The following FHOD3 variants were observed in gnomAD, a reference collection of about 807,000 sequenced individuals.
The protein encoded by FHOD3 is formin homology 2 domain containing 3.
Under a neutral mutation model 173.0 loss-of-function variants are expected in FHOD3, and 90 were observed. The ratio of observed to expected loss-of-function variants is 0.52; its 90% CI spans 0.44 to 0.62. The LOEUF (loss-of-function observed/expected upper bound fraction) is 0.62. Ranked by LOEUF, FHOD3 falls within the 20% of genes least tolerant of loss-of-function variation. FHOD3 has a pLI of 0.00. For missense variants in FHOD3, 1,945 were observed against 2,034.7 expected, an observed-to-expected ratio of 0.96 and a Z score of 0.85; for synonymous variants, 828 against 823.0, an observed-to-expected ratio of 1.01 and a Z score of -0.10.
intron 15 of FHOD3, among the ~76,000 whole-genome samples, chr18:36,683,175 A>G (rs1008334755): frequency 1.3e-5 from 2 of 152,208 alleles, no homozygotes; most frequent in Non-Finnish European, 2.9e-5. Context: ...TAGTTCTGGA[A>G]GTTGTCACTT....
rs893012665 is a variant in FHOD3, at chr18:36,434,709, A to C, written c.337+61965A>C. On this transcript the variant is annotated intron_variant, in intron 3 of 28. Coordinates refer to ENST00000590592, the MANE Select transcript of FHOD3 (RefSeq NM_001281740.3). ...TTTATTCAGGTGTGTATCTTCATTTATTTGAGCTTTCTCAGTTTCTTCCTG... is the reference window on the plus strand; with the variant it reads ...TTTATTCAGGTGTGTATCTTCATTTCTTTGAGCTTTCTCAGTTTCTTCCTG... Among the ~76,000 whole-genome samples the C allele has an allele frequency of 3.9e-5, 6 of 152,152 alleles. 1 individual carries two copies. Among genetic ancestry groups the C allele is most frequent in the Admixed American group, 3.9e-4 (6 of 15,280 alleles).
intron 28 of FHOD3, among the ~76,000 whole-genome samples, chr18:36,776,758 C>T (rs374576245): frequency 2.6e-5 from 4 of 152,090 alleles, no homozygotes; most frequent in African/African-American, 9.7e-5. Context: ...AAGCAGCATC[C>T]CAAGGGGTCT....
At chr18:36,368,424 G>T (rs2047008395) in intron 2 of FHOD3, among the ~76,000 whole-genome samples, 4 of 152,218 alleles carry the variant, frequency 2.6e-5, no homozygotes, top group Admixed American at 2.6e-4. Flanking sequence ...TAGAATGAGG[G>T]AATGAATGAG....
At chr18:36,501,397 C>G (rs559354846) in intron 3 of FHOD3, among the ~76,000 whole-genome samples, 1 of 152,094 alleles carries the variant, frequency 6.6e-6, no homozygotes, top group African/African-American at 2.4e-5. Context: ...GCCTGAGGAG[C>G]GCTCAAGGCA....
intron 3 of FHOD3, among the ~76,000 whole-genome samples, chr18:36,494,142 G>A (rs1168869375): frequency 1.3e-5 from 2 of 152,028 alleles, no homozygotes. Context: ...ACACACTGAA[G>A]TTTTCTTCAT....
chr18:36,446,299 G>A (rs1052527588), intron 3 of FHOD3, among the ~76,000 whole-genome samples: 12 of 152,138 alleles, frequency 7.9e-5, no homozygotes, highest in African/African-American at 2.7e-4. Flanking sequence ...ATCATTAGTC[G>A]CGGTGAAATC....
At chr18:36,742,480 G>A (rs1393581915) in intron 21 of FHOD3, among the ~76,000 whole-genome samples, 1 of 152,092 alleles carries the variant, frequency 6.6e-6, no homozygotes, top group Admixed American at 6.5e-5. Context: ...TAAGAGGAGG[G>A]CATTCCCTAA....
chr18:36,602,689 C>G lies in FHOD3; in HGVS notation c.734C>G (p.Ser245Ter). 6.2e-7 allele frequency: 1 copy of G among 1,613,984 alleles called. No individual in the cohort carries two copies. The highest frequency in any genetic ancestry group is 8.5e-7 in the Non-Finnish European group (1 of 1,179,896). Residue 245 changes from serine to a stop codon, truncating the protein, a stop_gained, in exon 8 of 29, where the codon TCA becomes TGA. Transcript: ENST00000590592. LOFTEE classifies it high-confidence loss of function. ...TTACTCATAGGGGTCAAACCTTGGT[C>G]AAATATCATGGAAATCCTGGAGGAA... Reference protein sequence around the residue: ...VDTKRGVKPWSNIMEILEEKD... With the variant: ...VDTKRGVKPW
At chr18:36,679,482 C>T (rs2038092095) in intron 14 of FHOD3, among the ~76,000 whole-genome samples, 2 of 151,966 alleles carry the variant, frequency 1.3e-5, no homozygotes, top group Admixed American at 6.6e-5. Context: ...GAGCTGATCA[C>T]TCATTAATTT....
chr18:36,629,067 A>G (rs944991387), intron 10 of FHOD3, among the ~76,000 whole-genome samples: 3 of 152,232 alleles, frequency 2.0e-5, no homozygotes, highest in Non-Finnish European at 4.4e-5. Context: ...AGTCATGTGT[A>G]TATTTTAATA....
At position 36,691,514 on chromosome 18, in the gene FHOD3, A is replaced by G. The variant is rs976231001; in HGVS notation, c.2022-1695A>G. 2.0e-5 allele frequency among the ~76,000 whole-genome samples: 3 copies of G among 152,230 alleles called. No homozygotes were observed. In the East Asian group the frequency reaches 5.8e-4, roughly 29 times the overall value. ...CTTACCCTTAAAATTGTTTTCTTTC[A>G]AGGTTCTTGTTACTTCCACAGCCAA... On this transcript the variant is annotated intron_variant, in intron 16 of 28. Transcript: ENST00000590592.
At chr18:36,488,216 A>G (rs761849669) in intron 3 of FHOD3, among the ~76,000 whole-genome samples, 2 of 152,244 alleles carry the variant, frequency 1.3e-5, no homozygotes, top group African/African-American at 2.4e-5. Flanking sequence ...ATCTCTGCAC[A>G]GTGACATGAT....
intron 28 of FHOD3, chr18:36,779,104 T>C (rs2043907998): frequency 6.3e-6 from 2 of 316,094 alleles, no homozygotes; most frequent in Non-Finnish European, 1.2e-5. Flanking sequence ...AGGTCTCTCC[T>C]GCCCTCTGCA....
chr18:36,434,436 G>A (rs1405648436), intron 3 of FHOD3, among the ~76,000 whole-genome samples: 3 of 152,270 alleles, frequency 2.0e-5, no homozygotes, highest in Non-Finnish European at 4.4e-5. Flanking sequence ...TGCTTAGGCC[G>A]ATGCTATACA....
intron 19 of FHOD3, 144 bp downstream of exon 19, chr18:36,718,859 TC>T: frequency 7.3e-7 from 1 of 1,373,998 alleles, no homozygotes; most frequent in Non-Finnish European, 9.7e-7. Flanking sequence ...AATATAGTGT[TC>T]CTTCTGCCAC....
intron 3 of FHOD3, among the ~76,000 whole-genome samples, chr18:36,458,757 C>A (rs2052376422): frequency 6.8e-6 from 1 of 147,960 alleles, no homozygotes; most frequent in Admixed American, 6.9e-5. Flanking sequence ...GTGACTTGGC[C>A]AAGCTAGCTT....
At chr18:36,569,175 A>G (rs1219943073) in intron 5 of FHOD3, among the ~76,000 whole-genome samples, 2 of 152,222 alleles carry the variant, frequency 1.3e-5, no homozygotes, top group East Asian at 1.9e-4. Flanking sequence ...CACAGTAATT[A>G]AAAGACAGAC....
intron 1 of FHOD3, among the ~76,000 whole-genome samples, chr18:36,308,995 A>G (rs548932344): frequency 6.6e-6 from 1 of 152,164 alleles, no homozygotes; most frequent in Non-Finnish European, 1.5e-5. Flanking sequence ...TGGCCTCCCT[A>G]CTGAGTCCCT....
At chr18:36,656,344 T>C (rs2036426827) in intron 13 of FHOD3, among the ~76,000 whole-genome samples, 1 of 152,026 alleles carries the variant, frequency 6.6e-6, no homozygotes, top group Admixed American at 6.6e-5. Flanking sequence ...GAGTGTTGGG[T>C]TTTTAAAGAG....
Sources: gnomAD v4.1 joint callset for allele counts (sites outside exome capture counted in the v4.1 genomes callset) on GRCh38, gnomAD v4.1.1 for gene constraint, MANE v1.5 for transcripts, NCBI Gene and HGNC (gene_info 2026-07-23, HGNC 2026-07-21) for gene names.